The following GABRA2 variants were observed in gnomAD, a reference collection of about 807,000 sequenced individuals.
The protein encoded by GABRA2 is gamma-aminobutyric acid type A receptor subunit alpha2, also known as gamma-aminobutyric acid receptor subunit alpha-2.
GABRA2 carries 16 observed loss-of-function variants against 48.7 expected under a neutral mutation model. The observed-to-expected ratio is 0.33, with a 90% CI of 0.22 to 0.50. The LOEUF is 0.50. Ranked by LOEUF, GABRA2 falls within the 20% of genes least tolerant of loss-of-function variation. The pLI is 0.98. For missense variants in GABRA2, 275 were observed against 535.6 expected (o/e 0.51, Z 4.80); for synonymous variants, 185 against 184.5 (o/e 1.00, Z -0.02).
At chr4:46,275,003 G>A (rs1378287430) in intron 8 of GABRA2, among the ~76,000 whole-genome samples, 1 of 152,024 alleles carries the variant, frequency 6.6e-6, no homozygotes, top group Non-Finnish European at 1.5e-5. Flanking sequence ...AGGAAGCATT[G>A]GGCAGTTTTA....
intron 3 of GABRA2, among the ~76,000 whole-genome samples, chr4:46,360,784 C>T (rs1713051525): frequency 6.6e-6 from 1 of 152,146 alleles, no homozygotes; most frequent in African/African-American, 2.4e-5. Flanking sequence ...GACTAAAATG[C>T]TGATAATGAT....
intron 2 of GABRA2, among the ~76,000 whole-genome samples, chr4:46,388,333 T>C (rs1717758578): frequency 6.6e-6 from 1 of 152,226 alleles, no homozygotes; most frequent in African/African-American, 2.4e-5. Context: ...CCTGGTGTTA[T>C]ATTATAAGTG....
At chr4:46,288,463 A>T (rs1482233822) in intron 8 of GABRA2, among the ~76,000 whole-genome samples, 1 of 152,182 alleles carries the variant, frequency 6.6e-6, no homozygotes, top group African/African-American at 2.4e-5. Context: ...AAGCAATGGG[A>T]AAAGGATTCC....
Position 46,296,692 on chromosome 4 carries a change from C to T in GABRA2, c.856+6768G>A, listed in dbSNP as rs148348034. On this transcript the variant is annotated intron_variant, in intron 8 of 9. Transcript: ENST00000381620. ...AGAAAAAAAAAAACCTGCTGAGGTG[C>T]TTGCTGAAGGCAAAGGAAATACAGG... 7.2e-3 allele frequency among the ~76,000 whole-genome samples: 1,046 copies of T among 145,160 alleles called. 8 individuals are homozygous for T. Among genetic ancestry groups the T allele is most frequent in the Middle Eastern group, 0.018 (5 of 272 alleles).
intron 3 of GABRA2, among the ~76,000 whole-genome samples, chr4:46,352,711 G>A (rs1253953311): frequency 6.6e-6 from 1 of 152,010 alleles, no homozygotes; most frequent in Non-Finnish European, 1.5e-5. Context: ...TCACTGTAGA[G>A]TACTTGTCTC....
At chr4:46,388,487 T>G (rs1047497628) in intron 2 of GABRA2, 149 bp downstream of exon 2, 1 of 877,192 alleles carries the variant, frequency 1.1e-6, no homozygotes, top group African/African-American at 1.7e-5. Context: ...GTTTTTACAG[T>G]CTATTACTTC....
At chr4:46,287,784 A>AC (rs1722841048) in intron 8 of GABRA2, among the ~76,000 whole-genome samples, 1 of 152,086 alleles carries the variant, frequency 6.6e-6, no homozygotes, top group African/African-American at 2.4e-5. Context: ...TATAATAATA[A>AC]TAAAAAAAAA....
At chr4:46,272,827 C>A (rs1337381517) in intron 8 of GABRA2, among the ~76,000 whole-genome samples, 1 of 151,980 alleles carries the variant, frequency 6.6e-6, no homozygotes, top group Non-Finnish European at 1.5e-5. Flanking sequence ...GAAAAGGAAG[C>A]AGGAGCCAGA....
chr4:46,390,209 C>CT (rs1718084812), upstream of GABRA2: 1 of 125,874 alleles, frequency 7.9e-6, no homozygotes, highest in Non-Finnish European at 1.7e-5. Flanking sequence ...CCCTCCCCCC[C>CT]CCCCACACAC....
intron 9 of GABRA2, among the ~76,000 whole-genome samples, chr4:46,260,044 A>G (rs1577790422): frequency 6.6e-6 from 1 of 151,762 alleles, no homozygotes; most frequent in East Asian, 1.9e-4. Context: ...TTTTTTTTAC[A>G]AAACTTTCCA....
At chr4:46,299,207 A>C (rs1315774110) in intron 8 of GABRA2, among the ~76,000 whole-genome samples, 1 of 151,798 alleles carries the variant, frequency 6.6e-6, no homozygotes, top group African/African-American at 2.4e-5. Context: ...CCTAAGTTAA[A>C]TTTGGTTTGG....
At chr4:46,253,371 G>A (rs1715191475) in intron 9 of GABRA2, among the ~76,000 whole-genome samples, 1 of 151,352 alleles carries the variant, frequency 6.6e-6, no homozygotes, top group Non-Finnish European at 1.5e-5. Context: ...GACGTTGGCT[G>A]TAAAATACAA....
chr4:46,340,309 A>T (rs1732998743), intron 3 of GABRA2, among the ~76,000 whole-genome samples: 1 of 151,946 alleles, frequency 6.6e-6, no homozygotes, highest in Admixed American at 6.6e-5. Flanking sequence ...GTTATACCAC[A>T]TTACTCTCTA....
chr4:46,389,150 C>A, intron 1 of GABRA2: 2 of 991,098 alleles, frequency 2.0e-6, no homozygotes, highest in Non-Finnish European at 1.2e-6. Flanking sequence ...CACGCCACAA[C>A]CCCCTCAACC....
At chr4:46,311,961 TG>T (rs1727716710) in intron 5 of GABRA2, among the ~76,000 whole-genome samples, 1 of 152,100 alleles carries the variant, frequency 6.6e-6, no homozygotes, top group Admixed American at 6.5e-5. Context: ...TAGCCTGGCA[TG>T]GTGGCACGTG....
rs565000088 is a variant in GABRA2 at position 46,276,642 on chromosome 4, G to A, written c.857-14514C>T. 3.3e-5 allele frequency among the ~76,000 whole-genome samples: 5 copies of A among 150,876 alleles called. No individual in the cohort carries two copies. In the South Asian group the frequency reaches 1.0e-3, roughly 32 times the overall value. On this transcript the variant is annotated intron_variant, in intron 8 of 9. Coordinates refer to ENST00000381620, the MANE Select transcript of GABRA2 (RefSeq NM_000807.4). ...GAGCGTAGTTTGATGTCATAATGATGTAATAGAAAAAGTGAAAGCATTAGA... is the reference window on the plus strand; with the variant it reads ...GAGCGTAGTTTGATGTCATAATGATATAATAGAAAAAGTGAAAGCATTAGA...
intron 8 of GABRA2, among the ~76,000 whole-genome samples, chr4:46,264,990 T>TATATATATATGTATATATAC (rs1212314932): frequency 1.1e-4 from 13 of 120,236 alleles, no homozygotes; most frequent in Admixed American, 3.8e-4. Context: ...TTTATACATA[T>TATATATATATGTATATATAC]ATATATATAT....
At chr4:46,332,480 A>G (rs1731530921) in intron 4 of GABRA2, 135 bp downstream of exon 4, 1 of 572,770 alleles carries the variant, frequency 1.7e-6, no homozygotes, top group Non-Finnish European at 3.2e-6. Context: ...ATCTTTAACT[A>G]TCCATGTATT....
At chr4:46,275,816 GA>G (rs1309051936) in intron 8 of GABRA2, among the ~76,000 whole-genome samples, 4 of 151,952 alleles carry the variant, frequency 2.6e-5, no homozygotes, top group African/African-American at 7.3e-5. Context: ...TACATCATTA[GA>G]GAATTTTTAT....
Sources: gnomAD v4.1 joint callset for allele counts (sites outside exome capture counted in the v4.1 genomes callset) on GRCh38, gnomAD v4.1.1 for gene constraint, MANE v1.5 for transcripts, NCBI Gene and HGNC (gene_info 2026-07-23, HGNC 2026-07-21) for gene names.